Variants in CFAP95 observed in about 807,000 individuals in gnomAD.
The protein encoded by CFAP95 is cilia- and flagella-associated protein 95.
the CFAP95 span, among the ~76,000 whole-genome samples, chr9:69,840,975 A>G: frequency 6.6e-6 from 1 of 151,744 alleles, no homozygotes; most frequent in East Asian, 1.9e-4. Flanking sequence ...AAAAAAGAAC[A>G]TATCTGCATC....
chr9:69,842,347 T>G, the CFAP95 span, among the ~76,000 whole-genome samples: 1 of 152,236 alleles, frequency 6.6e-6, no homozygotes, highest in African/African-American at 2.4e-5. Flanking sequence ...CAAAGATGGA[T>G]TCTTGGCATT....
At chr9:69,868,707 T>C in the CFAP95 span, among the ~76,000 whole-genome samples, 5 of 129,736 alleles carry the variant, frequency 3.9e-5, no homozygotes, top group African/African-American at 1.4e-4. Flanking sequence ...GAAACAAAAA[T>C]GAAAAGGCAG....
At chr9:69,893,271 C>G in the CFAP95 span, among the ~76,000 whole-genome samples, 1 of 152,164 alleles carries the variant, frequency 6.6e-6, no homozygotes, top group Non-Finnish European at 1.5e-5. Context: ...GCTGAGTAAG[C>G]AAGCCACCCC....
At chr9:69,855,033 C>G in the CFAP95 span, among the ~76,000 whole-genome samples, 1 of 152,164 alleles carries the variant, frequency 6.6e-6, no homozygotes, top group Non-Finnish European at 1.5e-5. Flanking sequence ...TAAAGAGATC[C>G]TTCATTAAAT....
At chr9:69,850,730 T>C in the CFAP95 span, among the ~76,000 whole-genome samples, 1 of 152,160 alleles carries the variant, frequency 6.6e-6, no homozygotes, top group Non-Finnish European at 1.5e-5. Context: ...GAAAGGAAGA[T>C]GTTTGGGGAT....
the CFAP95 span, among the ~76,000 whole-genome samples, chr9:69,901,992 G>A: frequency 1.3e-5 from 2 of 152,030 alleles, no homozygotes; most frequent in Non-Finnish European, 2.9e-5. Context: ...GTCTTCTTTT[G>A]AGAAGTGTCT....
the CFAP95 span, among the ~76,000 whole-genome samples, chr9:69,839,703 A>T: frequency 1.3e-5 from 2 of 151,558 alleles, no homozygotes; most frequent in East Asian, 3.9e-4. Context: ...CTGGGATTAC[A>T]GTGTGAGCCA....
At chr9:69,864,803 AT>A in the CFAP95 span, among the ~76,000 whole-genome samples, 1 of 152,054 alleles carries the variant, frequency 6.6e-6, no homozygotes, top group Non-Finnish European at 1.5e-5. Context: ...AGTAAGAAGG[AT>A]TTTTCTTTTC....
chr9:69,905,848 A>T, the CFAP95 span: 12 of 855,292 alleles, frequency 1.4e-5, no homozygotes, highest in Non-Finnish European at 1.8e-5. Context: ...ATTGTTAAAA[A>T]TTAACCTTCA....
chr9:69,832,130 C>T, the CFAP95 span, among the ~76,000 whole-genome samples: 1 of 152,104 alleles, frequency 6.6e-6, no homozygotes, highest in East Asian at 1.9e-4. Flanking sequence ...TGTATAAGAA[C>T]CCCGAGCTTT....
At chr9:69,821,873 T>A in the CFAP95 span, among the ~76,000 whole-genome samples, 2 of 152,192 alleles carry the variant, frequency 1.3e-5, no homozygotes, top group African/African-American at 4.8e-5. Context: ...GAACTATGAA[T>A]GTACCAGAGC....
chr9:69,898,638 C>T, the CFAP95 span, among the ~76,000 whole-genome samples: 6 of 152,090 alleles, frequency 3.9e-5, no homozygotes, highest in African/African-American at 1.4e-4. Context: ...TTTTCAATTT[C>T]AGGAAAATTG....
At chr9:69,835,153 C>T in the CFAP95 span, among the ~76,000 whole-genome samples, 2 of 152,240 alleles carry the variant, frequency 1.3e-5, no homozygotes, top group Non-Finnish European at 2.9e-5. Context: ...TTTTGCTTCT[C>T]ATTTCACCAG....
the CFAP95 span, among the ~76,000 whole-genome samples, chr9:69,859,324 T>C: frequency 6.6e-6 from 1 of 152,242 alleles, no homozygotes; most frequent in Non-Finnish European, 1.5e-5. Context: ...GTTTTCTGGA[T>C]CCTTTTGTTT....
the CFAP95 span, among the ~76,000 whole-genome samples, chr9:69,838,269 A>G: frequency 6.6e-6 from 1 of 152,168 alleles, no homozygotes; most frequent in African/African-American, 2.4e-5. Flanking sequence ...TTCTGTGAAG[A>G]AAGACATTGG....
the CFAP95 span, among the ~76,000 whole-genome samples, chr9:69,901,691 T>C: frequency 6.6e-6 from 1 of 152,204 alleles, no homozygotes; most frequent in South Asian, 2.1e-4. Context: ...TATAATCCTT[T>C]GGGTATATGC....
the CFAP95 span, among the ~76,000 whole-genome samples, chr9:69,827,045 T>A: frequency 6.6e-6 from 1 of 152,202 alleles, no homozygotes; most frequent in Non-Finnish European, 1.5e-5. Flanking sequence ...TAGAAGGGTA[T>A]AATATATACT....
chr9:69,891,680 A>G, the CFAP95 span, among the ~76,000 whole-genome samples: 1 of 152,208 alleles, frequency 6.6e-6, no homozygotes, highest in Admixed American at 6.5e-5. Flanking sequence ...TTTTAAAAAG[A>G]AATATCTTTT....
chr9:69,821,352 C>G, the CFAP95 span, among the ~76,000 whole-genome samples: 7 of 152,038 alleles, frequency 4.6e-5, no homozygotes, highest in African/African-American at 1.7e-4. Flanking sequence ...ATAGGAGAGC[C>G]TTTCAGGGGC....
Sources: gnomAD v4.1 joint callset for allele counts (sites outside exome capture counted in the v4.1 genomes callset) on GRCh38, gnomAD v4.1.1 for gene constraint, MANE v1.5 for transcripts, NCBI Gene and HGNC (gene_info 2026-07-23, HGNC 2026-07-21) for gene names.